Variants in PTER observed in about 807,000 individuals in gnomAD.
PTER encodes N-acetyltaurine hydrolase.
PTER carries 38 observed loss-of-function variants against 29.6 expected under a neutral mutation model. The ratio of observed to expected loss-of-function variants is 1.28; its 90% CI spans 0.99 to 1.68. The LOEUF is 1.68. Among genes scored for constraint, PTER ranks in the 40% most tolerant of loss-of-function variants. The probability of loss-of-function intolerance (pLI) is 0.00; values close to 1 mark genes in which losing one functional copy is unlikely to be tolerated. For missense variants in PTER, 482 were observed against 427.8 expected, an observed-to-expected ratio of 1.13 and a Z score of -1.12; for synonymous variants, 172 against 154.5, an observed-to-expected ratio of 1.11 and a Z score of -0.84.
chr10:16,485,399 A>G (rs770360678), intron 2 of PTER, among the ~76,000 whole-genome samples: 8 of 152,192 alleles, frequency 5.3e-5, no homozygotes, highest in Non-Finnish European at 1.0e-4. Flanking sequence ...GGACAAAAAG[A>G]ATAAGGTGCA....
intron 1 of PTER, among the ~76,000 whole-genome samples, chr10:16,438,601 G>A (rs1201566428): frequency 1.3e-5 from 2 of 149,712 alleles, no homozygotes; most frequent in South Asian, 2.2e-4. Context: ...GAGCCACTGC[G>A]CCTGGCCTGC....
At chr10:16,471,559 T>A (rs558383179) in intron 1 of PTER, among the ~76,000 whole-genome samples, 52 of 152,334 alleles carry the variant, frequency 3.4e-4, no homozygotes, top group African/African-American at 1.2e-3. Context: ...TGTAGATACA[T>A]ACACTCCGTA....
chr10:16,507,697 G>T (rs925736720), intron 4 of PTER, among the ~76,000 whole-genome samples: 1 of 152,184 alleles, frequency 6.6e-6, no homozygotes, highest in African/African-American at 2.4e-5. Flanking sequence ...AATCAGTGTT[G>T]CATTAGTTAA....
Position 16,477,245 on chromosome 10 carries a change from T to C in PTER, c.-48-7092T>C, listed in dbSNP as rs76335984. The stretch of plus-strand genomic sequence containing the variant: ...ACTTTGAAGGATGTGAACTGGAAAT[T>C]CATTCTGTCTTTCGATAGATAGATA... On this transcript the variant is annotated intron_variant, in intron 1 of 4. Coordinates refer to ENST00000535784, the MANE Select transcript of PTER (RefSeq NM_001261836.2). Among the ~76,000 whole-genome samples, 399 of 143,712 alleles carry C rather than the reference T, an allele frequency of 2.8e-3. 3 individuals are homozygous for C. The highest frequency in any genetic ancestry group is 8.7e-3 in the African/African-American group (334 of 38,452). The allele number at this position is 143,712 out of a possible 152,430, so 94.3% of individuals were successfully genotyped here.
At chr10:16,487,167 T>C (rs559186856) in intron 3 of PTER, among the ~76,000 whole-genome samples, 70 of 152,352 alleles carry the variant, frequency 4.6e-4, no homozygotes, top group South Asian at 1.2e-3. Flanking sequence ...GGTAGTATCA[T>C]GCATTAGTTT....
intron 1 of PTER, among the ~76,000 whole-genome samples, chr10:16,457,714 C>A (rs1246150597): frequency 3.3e-5 from 5 of 152,068 alleles, no homozygotes; most frequent in Admixed American, 3.3e-4. Flanking sequence ...ATTCTCCTGC[C>A]TTAGCCTTCC....
In PTER at chr10:16,476,906, T is replaced by C. The variant is rs1165850614; in HGVS notation, c.-48-7431T>C. Among the ~76,000 whole-genome samples the C allele has an allele frequency of 2.3e-4, 33 of 145,468 alleles. 1 individual carries two copies. In the South Asian group the frequency reaches 5.5e-3, roughly 24 times the overall value. On this transcript the variant is annotated intron_variant, in intron 1 of 4. Transcript: ENST00000535784. ...CACCCCTCCATCCTAGAATTCTTTT[T>C]TTTTTTTTTTTTTTTTTGAGACAGG...
chr10:16,486,701 T>C, intron 3 of PTER, 84 bp downstream of exon 3: 4 of 1,406,084 alleles, frequency 2.8e-6, no homozygotes, highest in Non-Finnish European at 3.8e-6. Flanking sequence ...AATCAGTCAA[T>C]GCAATACTAA....
Position 16,484,471 on chromosome 10 carries a change from G to T in PTER, c.87G>T (p.Leu29=). 6.2e-7 allele frequency: 1 copy of T among 1,614,008 alleles called. No individual in the cohort carries two copies. The highest frequency in any genetic ancestry group is 8.5e-7 in the Non-Finnish European group (1 of 1,180,024). Residue 29 remains leucine (L), a synonymous_variant, in exon 2 of 5, where the codon CTG becomes CTT. Coordinates refer to ENST00000535784, the MANE Select transcript of PTER (RefSeq NM_001261836.2). The part of the protein sequence containing the change: ...KLGRTLTHEH[L]AMTFDCCYCP... ...GCCGTACCCTGACCCATGAACACCT[G>T]GCCATGACCTTTGACTGCTGTTACT...
In PTER at chr10:16,486,627, C is replaced by G; in HGVS notation, c.698+10C>G. On this transcript the variant is annotated intron_variant, in intron 3 of 4. Coordinates refer to ENST00000535784, the MANE Select transcript of PTER (RefSeq NM_001261836.2). ...TGTCACACCTGGATAGGTAAGTAGG[C>G]TGTCTTACAAATGGATGCAAACTGC... 11 of 1,598,032 alleles carry G rather than the reference C, an allele frequency of 6.9e-6. No individual in the cohort carries two copies. The highest frequency in any genetic ancestry group is 9.4e-6 in the Non-Finnish European group (11 of 1,171,070).
downstream of PTER, chr10:16,514,704 G>C: frequency 6.2e-7 from 1 of 1,607,916 alleles, no homozygotes; most frequent in Non-Finnish European, 8.5e-7. Context: ...GCACTAGCAC[G>C]CACCTATGTG....
intron 4 of PTER, among the ~76,000 whole-genome samples, chr10:16,505,865 A>C (rs1259839184): frequency 6.6e-6 from 1 of 152,160 alleles, no homozygotes; most frequent in Admixed American, 6.5e-5. Flanking sequence ...AAGTGTTGCT[A>C]CCCAGTGAAG....
At chr10:16,479,660 A>G (rs1056896808) in intron 1 of PTER, among the ~76,000 whole-genome samples, 1 of 152,048 alleles carries the variant, frequency 6.6e-6, no homozygotes, top group African/African-American at 2.4e-5. Context: ...TATTTGGAGG[A>G]TACTTTTATA....
At chr10:16,496,842 C>T (rs1468422869) in intron 3 of PTER, among the ~76,000 whole-genome samples, 1 of 151,862 alleles carries the variant, frequency 6.6e-6, no homozygotes, top group Non-Finnish European at 1.5e-5. Flanking sequence ...ATGGATGATT[C>T]CCCTCTCTTC....
intron 1 of PTER, among the ~76,000 whole-genome samples, chr10:16,480,234 G>T (rs1213856370): frequency 6.8e-6 from 1 of 146,650 alleles, no homozygotes; most frequent in Non-Finnish European, 1.5e-5. Flanking sequence ...CTGTTGTCCA[G>T]GCTAGAGTGC....
intron 3 of PTER, among the ~76,000 whole-genome samples, chr10:16,489,398 G>A (rs1056052345): frequency 6.6e-6 from 1 of 152,002 alleles, no homozygotes; most frequent in African/African-American, 2.4e-5. Flanking sequence ...AACTTCTACT[G>A]CCTTTGTTTT....
intron 1 of PTER, among the ~76,000 whole-genome samples, chr10:16,467,129 C>G (rs987571276): frequency 6.6e-6 from 1 of 152,100 alleles, no homozygotes; most frequent in Admixed American, 6.5e-5. Flanking sequence ...TTTGTGGTTT[C>G]AGTTACCTGT....
intron 3 of PTER, among the ~76,000 whole-genome samples, chr10:16,489,721 C>T (rs1049586950): frequency 4.0e-5 from 6 of 151,762 alleles, no homozygotes; most frequent in Non-Finnish European, 8.8e-5. Flanking sequence ...TGTATTCACT[C>T]CCCATGGCCT....
At position 16,512,114 on chromosome 10, in the gene PTER, CT is replaced by C. The variant is rs1047698175; in HGVS notation, c.*862del. 1.3e-5 allele frequency: 2 copies of C among 151,430 alleles called. No individual in the cohort carries two copies. The highest frequency in any genetic ancestry group is 2.4e-5 in the African/African-American group (1 of 41,176). 9.4% of individuals were successfully genotyped at this position (151,430 alleles called of 1,614,324 possible). A position where few individuals can be genotyped will look rare whatever the true frequency, so the allele number is the denominator to read the frequency against. On this transcript the variant is annotated 3_prime_UTR_variant, in exon 5 of 5. Coordinates refer to ENST00000535784, the MANE Select transcript of PTER (RefSeq NM_001261836.2). ...TGTATATTCCCTTTATTTCCTTTAC[CT>C]TTTGTTTTTCCTTGGACCTAAACAG...
Sources: gnomAD v4.1 joint callset for allele counts (sites outside exome capture counted in the v4.1 genomes callset) on GRCh38, gnomAD v4.1.1 for gene constraint, MANE v1.5 for transcripts, NCBI Gene and HGNC (gene_info 2026-07-23, HGNC 2026-07-21) for gene names.